The following FBN1 variants were observed in gnomAD, a reference collection of about 807,000 sequenced individuals.
FBN1 encodes fibrillin-1.
In FBN1, 29 loss-of-function variants were observed where a neutral mutation model predicts 365.1. That is an observed-to-expected ratio of 0.08 (90% confidence interval 0.06 to 0.11). The LOEUF (loss-of-function observed/expected upper bound fraction) is 0.11, where lower values mean the gene tolerates loss of function less well. Ranked by LOEUF, FBN1 falls within the 10% of genes least tolerant of loss-of-function variation. The probability of loss-of-function intolerance (pLI) is 1.00; values close to 1 mark genes in which losing one functional copy is unlikely to be tolerated. For synonymous variants in FBN1, 1,210 were observed against 1,270.5 expected (o/e 0.95, Z 1.01); for missense variants, 2,476 against 3,703.2 (o/e 0.67, Z 8.60).
intron 8 of FBN1, among the ~76,000 whole-genome samples, chr15:48,530,662 G>C (rs1418154256): frequency 6.6e-6 from 1 of 152,038 alleles, no homozygotes; most frequent in Admixed American, 6.6e-5. Context: ...CCCCATCTAT[G>C]GTAGTGGGTT....
At chr15:48,642,999 C>CA (rs1444634716) in intron 2 of FBN1, 1 of 152,224 alleles carries the variant, frequency 6.6e-6, no homozygotes, top group Admixed American at 6.5e-5. Flanking sequence ...TAGTTGGTGA[C>CA]AGCCCAGAGA....
chr15:48,469,367 G>A (rs2043352298), intron 36 of FBN1, among the ~76,000 whole-genome samples: 2 of 152,040 alleles, frequency 1.3e-5, no homozygotes, highest in Admixed American at 6.6e-5. Context: ...GAGGCTTAGT[G>A]TGTTCCCTGA....
At chr15:48,429,109 A>G (rs1403183071) in intron 56 of FBN1, among the ~76,000 whole-genome samples, 1 of 152,226 alleles carries the variant, frequency 6.6e-6, no homozygotes, top group African/African-American at 2.4e-5. Context: ...GCACACTTAC[A>G]TTTTTCACTT....
chr15:48,466,503 G>A (rs16960974), intron 38 of FBN1, among the ~76,000 whole-genome samples: 1,551 of 152,284 alleles, frequency 0.01, 28 homozygotes, highest in African/African-American at 0.035. Context: ...GCACCAGGAC[G>A]GTGATATGTA....
chr15:48,460,757 A>C (rs963560293), intron 42 of FBN1, among the ~76,000 whole-genome samples: 1 of 152,196 alleles, frequency 6.6e-6, no homozygotes, highest in Non-Finnish European at 1.5e-5. Context: ...CATTCTTGAC[A>C]TCAGATCTAT....
chr15:48,616,126 T>C (rs142415907), intron 2 of FBN1, among the ~76,000 whole-genome samples: 573 of 152,372 alleles, frequency 3.8e-3, no homozygotes, highest in African/African-American at 0.013. Context: ...CTTTCATTAG[T>C]GCATCACATT....
At chr15:48,623,316 C>T (rs1181526116) in intron 2 of FBN1, among the ~76,000 whole-genome samples, 1 of 152,160 alleles carries the variant, frequency 6.6e-6, no homozygotes, top group East Asian at 1.9e-4. Flanking sequence ...CTATTTAACA[C>T]GTCTTTGAAA....
In FBN1 at chr15:48,488,221, A is replaced by T. The variant is rs140586; in HGVS notation, c.3229T>A (p.Ser1077Thr). The change falls in exon 27 of 66, where the codon TCT (serine) becomes ACT (threonine). Residue 1077 changes from serine to threonine, a missense_variant. Physicochemically the swap from Ser to Thr is moderately conservative, Grantham distance 58 (BLOSUM62 1). Transcript: ENST00000316623. ...NCTDIDECRISPDLCGRGQCV... is the reference protein window; with the variant it reads ...NCTDIDECRITPDLCGRGQCV... ...TGGCCTCTGCCACAGAGGTCAGGAG[A>T]TATGCGGCATTCGTCAATGTCTGCA... The T allele has an allele frequency of 6.2e-7, 1 of 1,614,194 alleles. No individual in the cohort carries two copies.
In FBN1 at chr15:48,513,664, A is replaced by T; in HGVS notation, c.1473T>A (p.Val491=). The stretch of plus-strand genomic sequence containing the variant: ...CACAGGGGTTTTTCTCACATTCATC[A>T]ACATCTGCAAAGCACAATGTATTTT... ...QLDLRGECID[V]DECEKNPCAG... The change falls in exon 13 of 66, where the codon GTT becomes GTA. Residue 491 remains valine (V), a synonymous_variant. Transcript: ENST00000316623. The T allele has an allele frequency of 1.2e-6, 2 of 1,613,940 alleles. No individual in the cohort carries two copies. The highest frequency in any genetic ancestry group is 1.7e-6 in the Non-Finnish European group (2 of 1,179,898).
chr15:48,525,301 G>A (rs2043900717), intron 9 of FBN1, among the ~76,000 whole-genome samples: 1 of 152,082 alleles, frequency 6.6e-6, no homozygotes. Context: ...TGGCCAGGCT[G>A]GTCTTGAACT....
chr15:48,427,653 G>C lies in FBN1; in HGVS notation c.7118C>G (p.Pro2373Arg). Reference protein sequence around the residue: ...CCCDGGRGWGPHCEICPFQGT... With the variant: ...CCCDGGRGWGRHCEICPFQGT... ...CTGGAAAGGGCAGATCTCACAGTGG[G>C]GACCCCAGCCTCTCCCTCCGTCACA... is the stretch of plus-strand genomic sequence containing the variant. Residue 2373 changes from proline to arginine, a missense_variant, in exon 58 of 66, where the codon CCC becomes CGC. Pro to Arg is a moderately radical substitution (Grantham distance 103). Transcript: ENST00000316623. The C allele has an allele frequency of 6.2e-7, 1 of 1,614,104 alleles. No individual in the cohort carries two copies. Among genetic ancestry groups the C allele is most frequent in the Non-Finnish European group, 8.5e-7 (1 of 1,180,010 alleles).
At chr15:48,527,895 A>G (rs975439465) in intron 8 of FBN1, among the ~76,000 whole-genome samples, 1 of 152,262 alleles carries the variant, frequency 6.6e-6, no homozygotes, top group Non-Finnish European at 1.5e-5. Context: ...AGGGTCAGGT[A>G]GAGAAACTGC....
At chr15:48,567,641 G>T (rs1465935534) in intron 6 of FBN1, among the ~76,000 whole-genome samples, 8 of 152,130 alleles carry the variant, frequency 5.3e-5, no homozygotes, top group African/African-American at 9.7e-5. Flanking sequence ...TCCTAGGAAT[G>T]CAAGGTCAGT....
intron 65 of FBN1, 137 bp downstream of exon 65, chr15:48,412,432 C>T (rs2042870882): frequency 1.1e-6 from 1 of 915,820 alleles, no homozygotes; most frequent in Non-Finnish European, 1.8e-6. Context: ...TAAAATACAG[C>T]CTAGAGCTCA....
intron 6 of FBN1, among the ~76,000 whole-genome samples, chr15:48,564,552 T>C (rs1159577889): frequency 6.6e-6 from 1 of 152,082 alleles, no homozygotes; most frequent in Admixed American, 6.6e-5. Flanking sequence ...CAAATGCTTA[T>C]TGTCTATTAA....
chr15:48,443,213 A>C (rs1420338929), intron 49 of FBN1, among the ~76,000 whole-genome samples: 1 of 152,130 alleles, frequency 6.6e-6, no homozygotes, highest in African/African-American at 2.4e-5. Flanking sequence ...TGCCGATTGA[A>C]TTACTCCATT....
chr15:48,490,811 T>C (rs2043551880), intron 24 of FBN1, among the ~76,000 whole-genome samples: 1 of 152,224 alleles, frequency 6.6e-6, no homozygotes, highest in African/African-American at 2.4e-5. Flanking sequence ...TAAATTATCC[T>C]AAACCTGAAT....
chr15:48,532,836 GT>G (rs1186733106), intron 8 of FBN1, among the ~76,000 whole-genome samples: 1 of 150,886 alleles, frequency 6.6e-6, no homozygotes, highest in Admixed American at 6.6e-5. Context: ...AACTTAAAAT[GT>G]TTTTTTAAGA....
chr15:48,422,383 A>C (rs1263303005), intron 60 of FBN1, among the ~76,000 whole-genome samples: 1 of 152,226 alleles, frequency 6.6e-6, no homozygotes, highest in African/African-American at 2.4e-5. Flanking sequence ...ATTTTAAACA[A>C]ATTTTTAAAT....
Sources: allele counts gnomAD v4.1 joint callset (sites outside exome capture counted in the v4.1 genomes callset), GRCh38; gene constraint gnomAD v4.1.1; transcripts MANE v1.5; gene names NCBI Gene and HGNC (gene_info 2026-07-23, HGNC 2026-07-21).